The following DHRS9 variants were observed in gnomAD, a reference collection of about 807,000 sequenced individuals.
The protein encoded by DHRS9 is dehydrogenase/reductase 9.
Under a neutral mutation model 26.6 loss-of-function variants are expected in DHRS9, and 18 were observed. The ratio of observed to expected loss-of-function variants is 0.68; its 90% CI spans 0.47 to 1.00. The LOEUF (loss-of-function observed/expected upper bound fraction) is 1.00. DHRS9 is among the 50% of genes least tolerant of loss of function. DHRS9 has a pLI of 0.00. For synonymous variants in DHRS9, 134 were observed against 141.1 expected, an observed-to-expected ratio of 0.95 and a Z score of 0.36; for missense variants, 425 against 378.7, an observed-to-expected ratio of 1.12 and a Z score of -1.01.
chr2:169,092,525 C>G (rs1684562342), intron 4 of DHRS9, among the ~76,000 whole-genome samples: 1 of 152,224 alleles, frequency 6.6e-6, no homozygotes, highest in South Asian at 2.1e-4. Flanking sequence ...TAGGTGTAAT[C>G]TAACAGCCCA....
intron 1 of DHRS9, chr2:169,081,299 T>G: frequency 1.2e-6 from 1 of 842,822 alleles, no homozygotes; most frequent in Non-Finnish European, 1.6e-6. Context: ...TCTCTTCCAT[T>G]TAATTTCTCT....
chr2:169,086,215 C>T (rs1490984589), intron 3 of DHRS9, among the ~76,000 whole-genome samples: 1 of 151,986 alleles, frequency 6.6e-6, no homozygotes, highest in East Asian at 1.9e-4. Context: ...TTCAAATAGC[C>T]TGTCTTCAAG....
chr2:169,081,577 G>A lies in DHRS9; in HGVS notation c.-5G>A, dbSNP rs1684183116. The stretch of plus-strand genomic sequence containing the variant: ...GGAGTGTACCTATCACACACAGGGG[G>A]AAAAATGCTCTTTTGGGTGCTAGGC... On this transcript the variant is annotated 5_prime_UTR_variant, in exon 2 of 5. Transcript: ENST00000674881. 2 of 1,612,910 alleles carry A rather than the reference G, an allele frequency of 1.2e-6. No individual in the cohort carries two copies. The highest frequency in any genetic ancestry group is 1.7e-5 in the Admixed American group (1 of 59,846).
intron 3 of DHRS9, among the ~76,000 whole-genome samples, chr2:169,085,641 A>G (rs568261591): frequency 6.6e-6 from 1 of 152,064 alleles, no homozygotes; most frequent in Admixed American, 6.6e-5. Flanking sequence ...CTGTTGGCAT[A>G]CAGAAATTGT....
At chr2:169,069,812 T>A in intron 1 of DHRS9, 95 bp downstream of exon 1, 1 of 954,198 alleles carries the variant, frequency 1.0e-6, no homozygotes, top group Non-Finnish European at 1.2e-6. Context: ...GAATCGGTGG[T>A]CTTTCAAGCT....
At chr2:169,078,983 G>T (rs7557520) in intron 1 of DHRS9, among the ~76,000 whole-genome samples, 32,361 of 151,172 alleles carry the variant, frequency 0.21, 3,625 homozygotes, top group African/African-American at 0.27. Context: ...GAGTAGCTGG[G>T]ATTACAGGCA....
chr2:169,074,432 G>A lies in DHRS9; in HGVS notation c.-60+4715G>A. 8.1e-6 allele frequency: 8 copies of A among 985,444 alleles called. No individual in the cohort carries two copies. In the South Asian group the frequency reaches 1.4e-4, roughly 17 times the overall value. The allele number at this position is 985,444 out of a possible 1,614,324, so 61.0% of individuals were successfully genotyped here. ...CAATTTGTTGTGCGATAAATTGGAA[G>A]ACACAGCAGATAAGCAAACAACTCA... is the stretch of plus-strand genomic sequence containing the variant. On this transcript the variant is annotated intron_variant, in intron 1 of 4. Coordinates refer to ENST00000674881, the MANE Select transcript of DHRS9 (RefSeq NM_001376924.1).
chr2:169,079,915 G>A (rs1325726205), intron 1 of DHRS9, among the ~76,000 whole-genome samples: 1 of 57,312 alleles, frequency 1.7e-5, no homozygotes, highest in Non-Finnish European at 3.0e-5. Context: ...GGGAGGGAGG[G>A]AGGGGGAGAG....
At chr2:169,083,833 T>C (rs1177009533) in intron 3 of DHRS9, among the ~76,000 whole-genome samples, 2 of 152,202 alleles carry the variant, frequency 1.3e-5, no homozygotes, top group African/African-American at 4.8e-5. Context: ...CCTTTCTTTG[T>C]GTTACAAAAA....
At chr2:169,084,671 T>C (rs978353952) in intron 3 of DHRS9, among the ~76,000 whole-genome samples, 2 of 152,206 alleles carry the variant, frequency 1.3e-5, no homozygotes, top group African/African-American at 4.8e-5. Context: ...TTGCCCATTA[T>C]AAATTGGATT....
In DHRS9 at chr2:169,088,577, C is replaced by A. The variant is rs1424751485; in HGVS notation, c.573-3213C>A. Among the ~76,000 whole-genome samples the A allele has an allele frequency of 2.6e-5, 4 of 152,150 alleles. No individual in the cohort carries two copies. The East Asian group carries it at 5.8e-4, about 22-fold the overall frequency. ...TCAATGAAGGCTTCTATTTGGCCAT[C>A]CTGCTCCACCTCTACCCTATTTAGT... On this transcript the variant is annotated intron_variant, in intron 3 of 4. Transcript: ENST00000674881.
In DHRS9 at chr2:169,079,916, AGG is replaced by A. The variant is rs756199563; in HGVS notation, c.-59-1603_-59-1602del. ...GAGAGAGGGAGGGAGGGAGGGAGGG[AGG>A]GGGAGAGAGAGAGAGAGAGAGAGAG... On this transcript the variant is annotated intron_variant, in intron 1 of 4. Coordinates refer to ENST00000674881, the MANE Select transcript of DHRS9 (RefSeq NM_001376924.1). 3.1e-3 allele frequency among the ~76,000 whole-genome samples: 129 copies of A among 41,008 alleles called. 18 individuals are homozygous for A. The highest frequency in any genetic ancestry group is 8.1e-3 in the African/African-American group (43 of 5,322). 26.9% of individuals were successfully genotyped at this position (41,008 alleles called of 152,430 possible).
Position 169,081,695 on chromosome 2 carries a change from C to CA in DHRS9, c.114_115insA (p.Ser39IlefsTer12). 6.2e-7 allele frequency: 1 copy of CA among 1,614,192 alleles called. No homozygotes were observed. Among genetic ancestry groups the CA allele is most frequent in the Non-Finnish European group, 8.5e-7 (1 of 1,180,030 alleles). Reference sequence around the variant, plus strand: ...AGTACATTTTTATCACTGGATGTGACTCGGGCTTTGGAAACTTGGCAGCCA... The same window carrying CA: ...AGTACATTTTTATCACTGGATGTGACATCGGGCTTTGGAAACTTGGCAGCCA... On this transcript the variant is annotated frameshift_variant, in exon 2 of 5. Coordinates refer to ENST00000674881, the MANE Select transcript of DHRS9 (RefSeq NM_001376924.1). LOFTEE classifies it high-confidence loss of function.
At chr2:169,092,480 A>G (rs1003315965) in intron 4 of DHRS9, among the ~76,000 whole-genome samples, 1 of 152,244 alleles carries the variant, frequency 6.6e-6, no homozygotes, top group African/African-American at 2.4e-5. Flanking sequence ...ACAATGAAAT[A>G]ATGTAGCACA....
At chr2:169,068,583 C>T (rs149411676), upstream of DHRS9, among the ~76,000 whole-genome samples, 822 of 152,188 alleles carry the variant, frequency 5.4e-3, 7 homozygotes, top group African/African-American at 0.018. Flanking sequence ...GCTTTGGCCT[C>T]CCAAAGTGGG....
chr2:169,091,901 G>A lies in DHRS9; in HGVS notation c.684G>A (p.Glu228=). The A allele has an allele frequency of 1.2e-6, 2 of 1,614,044 alleles. No homozygotes were observed. The highest frequency in any genetic ancestry group is 8.5e-7 in the Non-Finnish European group (1 of 1,179,994). The change falls in exon 4 of 5, where the codon GAG becomes GAA. Residue 228 remains glutamate (E), a synonymous_variant. Transcript: ENST00000674881. ...TTGAAAAAAAACTCGCCATTTGGGA[G>A]CAGCTGTCTCCAGACATCAAACAAC... ...KVIEKKLAIW[E]QLSPDIKQQY... is the part of the protein sequence containing the mutation.
At chr2:169,074,234 T>C (rs769149415) in intron 1 of DHRS9, 23 of 970,066 alleles carry the variant, frequency 2.4e-5, no homozygotes, top group Non-Finnish European at 2.8e-5. Context: ...CCAAGGTAGA[T>C]GTTGTATTTC....
chr2:169,081,706 G>C lies in DHRS9; in HGVS notation c.125G>C (p.Gly42Ala), dbSNP rs1684191912. 1 of 1,614,076 alleles carries C rather than the reference G, an allele frequency of 6.2e-7. No individual in the cohort carries two copies. The highest frequency in any genetic ancestry group is 1.3e-5 in the African/African-American group (1 of 74,916). The change falls in exon 2 of 5, where the codon GGA becomes GCA. Residue 42 changes from glycine to alanine, a missense_variant. Transcript: ENST00000674881. ...ATCACTGGATGTGACTCGGGCTTTG[G>C]AAACTTGGCAGCCAGAACTTTTGAT... is the stretch of plus-strand genomic sequence containing the variant. ...IFITGCDSGF[G>A]NLAARTFDKK...
intron 3 of DHRS9, among the ~76,000 whole-genome samples, chr2:169,087,449 C>A (rs1272305316): frequency 6.6e-6 from 1 of 152,168 alleles, no homozygotes; most frequent in African/African-American, 2.4e-5. Context: ...ATTGGAGACG[C>A]TAAGTGCCCA....
Sources: allele counts gnomAD v4.1 joint callset (sites outside exome capture counted in the v4.1 genomes callset), GRCh38; gene constraint gnomAD v4.1.1; transcripts MANE v1.5; gene names NCBI Gene and HGNC (gene_info 2026-07-23, HGNC 2026-07-21).